AGGF1: variants seen among roughly 807,000 people sequenced by gnomAD.
AGGF1 encodes angiogenic factor with G-patch and FHA domains 1.
In AGGF1, 56 loss-of-function variants were observed where a neutral mutation model predicts 86.5. The ratio of observed to expected loss-of-function variants is 0.65; its 90% confidence interval spans 0.52 to 0.81. The LOEUF (loss-of-function observed/expected upper bound fraction) is 0.81, where lower values mean the gene tolerates loss of function less well. AGGF1 is among the 30% of genes least tolerant of loss of function. The pLI, the probability that AGGF1 is intolerant of heterozygous loss-of-function variation, is 0.00. For synonymous variants in AGGF1, 313 were observed against 297.1 expected (o/e 1.05, Z -0.55); for missense variants, 816 against 850.9 (o/e 0.96, Z 0.51).
At chr5:77,051,035 GC>G (rs1747364508) in intron 8 of AGGF1, among the ~76,000 whole-genome samples, 3 of 152,108 alleles carry the variant, frequency 2.0e-5, no homozygotes, top group Admixed American at 2.0e-4. Flanking sequence ...ATAGGGTTTG[GC>G]AGTACAGAAA....
At chr5:77,040,014 G>A (rs6896310) in intron 5 of AGGF1, among the ~76,000 whole-genome samples, 2,571 of 151,984 alleles carry the variant, frequency 0.017, 80 homozygotes, top group African/African-American at 0.059. Flanking sequence ...TCAATGCACA[G>A]TTCATAATAA....
chr5:77,050,171 CT>C (rs1747344210), intron 8 of AGGF1, among the ~76,000 whole-genome samples: 1 of 151,792 alleles, frequency 6.6e-6, no homozygotes, highest in Admixed American at 6.6e-5. Context: ...TTACTATGAC[CT>C]TGAGTCTCCT....
At chr5:77,055,294 A>G (rs1377919521) in intron 10 of AGGF1, among the ~76,000 whole-genome samples, 1 of 152,120 alleles carries the variant, frequency 6.6e-6, no homozygotes, top group Non-Finnish European at 1.5e-5. Context: ...TAAGATTCCT[A>G]TTATCTGTGG....
intron 11 of AGGF1, among the ~76,000 whole-genome samples, chr5:77,056,997 A>G (rs986672450): frequency 3.9e-5 from 6 of 152,362 alleles, no homozygotes; most frequent in African/African-American, 1.4e-4. Flanking sequence ...GCAAATAAAC[A>G]TCTGAAAAAA....
Position 77,041,241 on chromosome 5 carries a change from G to T in AGGF1, c.870+1522G>T, listed in dbSNP as rs112529609. Among the ~76,000 whole-genome samples, 159 of 151,958 alleles carry T rather than the reference G, an allele frequency of 1.0e-3. 1 individual carries two copies. The highest frequency in any genetic ancestry group is 3.4e-3 in the African/African-American group (142 of 41,536). ...TTCAAGATCTCTGTTTTAATGGCTT[G>T]TGCTTGTTACTAGTGGTTTGATTGT... On this transcript the variant is annotated intron_variant, in intron 5 of 13. Transcript: ENST00000312916.
chr5:77,047,082 T>G (rs1747269522), intron 6 of AGGF1, among the ~76,000 whole-genome samples: 1 of 152,200 alleles, frequency 6.6e-6, no homozygotes, highest in Non-Finnish European at 1.5e-5. Flanking sequence ...AAATCTAATT[T>G]TTTTTTACTT....
chr5:77,039,755 G>T lies in AGGF1; in HGVS notation c.870+36G>T, dbSNP rs1382631697. On this transcript the variant is annotated intron_variant, in intron 5 of 13. Coordinates refer to ENST00000312916, the MANE Select transcript of AGGF1 (RefSeq NM_018046.5). The stretch of plus-strand genomic sequence containing the variant: ...TACAATTTTAAAAATTGACATAATG[G>T]TGATAACATGATAATTAAGACAAAA... The T allele has an allele frequency of 6.4e-6, 10 of 1,574,312 alleles. 1 individual carries two copies. In the African/African-American group the frequency reaches 9.5e-5, roughly 15 times the overall value.
chr5:77,051,710 A>AT (rs1249667947), intron 8 of AGGF1, among the ~76,000 whole-genome samples: 1 of 152,198 alleles, frequency 6.6e-6, no homozygotes, highest in Non-Finnish European at 1.5e-5. Context: ...CCAGAGAAAC[A>AT]TTTGCATTTT....
At chr5:77,061,669 T>C in intron 12 of AGGF1, 34 bp from the exon 13 acceptor site, 1 of 1,567,692 alleles carries the variant, frequency 6.4e-7, no homozygotes, top group Non-Finnish European at 8.8e-7. Context: ...AAAGATCTTT[T>C]ATAAATCAAC....
intron 9 of AGGF1, 79 bp from the exon 10 acceptor site, chr5:77,053,886 C>G: frequency 1.4e-6 from 2 of 1,386,286 alleles, no homozygotes; most frequent in Non-Finnish European, 1.0e-6. Flanking sequence ...AAATTATAAT[C>G]AGACATTACT....
At chr5:77,060,598 T>C (rs926755697) in intron 12 of AGGF1, among the ~76,000 whole-genome samples, 1 of 152,200 alleles carries the variant, frequency 6.6e-6, no homozygotes, top group Non-Finnish European at 1.5e-5. Flanking sequence ...ATTTTGAGTT[T>C]AGTTAAAATT....
chr5:77,040,151 C>T (rs148486730), intron 5 of AGGF1, among the ~76,000 whole-genome samples: 3,573 of 150,540 alleles, frequency 0.024, 70 homozygotes, highest in African/African-American at 0.053. Flanking sequence ...TCTTGTTGCC[C>T]GGGCTGGAAT....
intron 6 of AGGF1, 38 bp downstream of exon 6, chr5:77,046,715 C>T: frequency 6.3e-7 from 1 of 1,576,934 alleles, no homozygotes; most frequent in Middle Eastern, 1.7e-4. Context: ...ATAGCCCAGT[C>T]TGGTAACTAT....
At chr5:77,062,037 G>GAAGTGCTGTTTCCT (rs1166577983) in intron 13 of AGGF1, among the ~76,000 whole-genome samples, 1 of 152,150 alleles carries the variant, frequency 6.6e-6, no homozygotes, top group Non-Finnish European at 1.5e-5. Context: ...GCTAGGGTGA[G>GAAGTGCTGTTTCCT]AAGTGCTGTT....
At chr5:77,046,251 CTT>C in intron 5 of AGGF1, 94 bp from the exon 6 acceptor site, 2 of 1,056,626 alleles carry the variant, frequency 1.9e-6, no homozygotes, top group South Asian at 1.3e-5. Flanking sequence ...TGACACATAT[CTT>C]CACGAATTCG....
chr5:77,044,567 C>G (rs1427757717), intron 5 of AGGF1, among the ~76,000 whole-genome samples: 6 of 152,106 alleles, frequency 3.9e-5, no homozygotes. Context: ...ATGTTCTGTA[C>G]TGGCAAATAG....
At chr5:77,038,489 A>G (rs1244299139) in intron 4 of AGGF1, among the ~76,000 whole-genome samples, 1 of 152,140 alleles carries the variant, frequency 6.6e-6, no homozygotes, top group Non-Finnish European at 1.5e-5. Context: ...GAAAATGTCT[A>G]TATTTTGGAC....
intron 5 of AGGF1, among the ~76,000 whole-genome samples, chr5:77,040,846 CCTGTT>C (rs1316590946): frequency 2.0e-5 from 3 of 152,044 alleles, no homozygotes; most frequent in Non-Finnish European, 4.4e-5. Context: ...TCTGTCCTGT[CCTGTT>C]CTGTCCTTCT....
At position 77,030,427 on chromosome 5, in the gene AGGF1, G is replaced by A; in HGVS notation, c.-340G>A. Reference sequence around the variant, plus strand: ...GCGCCGTTGTTTCCGGCTCAACTGGGGAGCTGCTGGAGCTCTTCTGGCCTC... The same window carrying A: ...GCGCCGTTGTTTCCGGCTCAACTGGAGAGCTGCTGGAGCTCTTCTGGCCTC... On this transcript the variant is annotated 5_prime_UTR_variant, in exon 1 of 14. Transcript: ENST00000312916. 3.9e-6 allele frequency: 2 copies of A among 517,502 alleles called. No homozygotes were observed. The highest frequency in any genetic ancestry group is 7.5e-6 in the Non-Finnish European group (2 of 267,812). 32.1% of individuals were successfully genotyped at this position (517,502 alleles called of 1,614,324 possible). A position where few individuals can be genotyped will look rare whatever the true frequency, so the allele number is the denominator to read the frequency against.
Sources: gnomAD v4.1 joint callset for allele counts (sites outside exome capture counted in the v4.1 genomes callset) on GRCh38, gnomAD v4.1.1 for gene constraint, MANE v1.5 for transcripts, NCBI Gene and HGNC (gene_info 2026-07-23, HGNC 2026-07-21) for gene names.